The following DCLK2 variants were observed in gnomAD, a reference collection of about 807,000 sequenced individuals.
DCLK2 encodes doublecortin like kinase 2.
DCLK2 carries 31 observed loss-of-function variants against 78.4 expected under a neutral mutation model. That is an observed-to-expected ratio of 0.40 (90% CI 0.30 to 0.53). The LOEUF is 0.53. Ranked by LOEUF, DCLK2 falls within the 20% of genes least tolerant of loss-of-function variation. The pLI is 0.61. For synonymous variants in DCLK2, 407 were observed against 374.9 expected (o/e 1.09, Z -0.99); for missense variants, 872 against 973.7 (o/e 0.90, Z 1.39).
At chr4:150,226,893 G>A (rs114605061) in intron 8 of DCLK2, among the ~76,000 whole-genome samples, 1,634 of 152,142 alleles carry the variant, frequency 0.011, 13 homozygotes, top group Non-Finnish European at 0.017. Context: ...TTAATTTGAG[G>A]GGGTGGTATT....
chr4:150,136,283 A>G lies in DCLK2; in HGVS notation c.756+33471A>G, dbSNP rs953513751. On this transcript the variant is annotated intron_variant, in intron 2 of 15. Transcript: ENST00000296550. ...TTTAGAAGTACGGTCCCTCTGAATGATAAAGTCCAGGATGTGGCAGTGGGC... is the reference window on the plus strand; with the variant it reads ...TTTAGAAGTACGGTCCCTCTGAATGGTAAAGTCCAGGATGTGGCAGTGGGC... Among the ~76,000 whole-genome samples the G allele has an allele frequency of 4.6e-5, 7 of 152,240 alleles. No individual in the cohort carries two copies. In the East Asian group the frequency reaches 9.6e-4, roughly 21 times the overall value.
chr4:150,157,179 T>C (rs550192025), intron 2 of DCLK2, among the ~76,000 whole-genome samples: 8 of 151,638 alleles, frequency 5.3e-5, no homozygotes, highest in African/African-American at 1.7e-4. Context: ...TTTTTTTTTT[T>C]TTTGTTACTG....
At chr4:150,204,841 G>A (rs1342386104) in intron 5 of DCLK2, among the ~76,000 whole-genome samples, 8 of 151,626 alleles carry the variant, frequency 5.3e-5, no homozygotes, top group Admixed American at 1.3e-4. Context: ...GCAGTGAGCC[G>A]AGATCGCGCC....
intron 2 of DCLK2, among the ~76,000 whole-genome samples, chr4:150,151,442 A>G (rs1560815007): frequency 6.6e-6 from 1 of 152,254 alleles, no homozygotes; most frequent in Non-Finnish European, 1.5e-5. Context: ...GGCTAAGGCT[A>G]GTCTTTCCTG....
chr4:150,150,501 G>A (rs1040547986), intron 2 of DCLK2, among the ~76,000 whole-genome samples: 1 of 151,854 alleles, frequency 6.6e-6, no homozygotes, highest in Non-Finnish European at 1.5e-5. Context: ...TATAAAATAA[G>A]GAGAAAAATA....
chr4:150,203,712 G>T, intron 4 of DCLK2, 83 bp from the exon 5 acceptor site: 4 of 1,081,774 alleles, frequency 3.7e-6, no homozygotes, highest in Middle Eastern at 2.1e-4. Flanking sequence ...GACCTATATT[G>T]TGCATGCACC....
intron 4 of DCLK2, chr4:150,199,141 T>G: frequency 7.0e-7 from 1 of 1,434,524 alleles, no homozygotes; most frequent in East Asian, 2.4e-5. Flanking sequence ...TTTTGCCACT[T>G]TTCTGTTTCC....
chr4:150,103,180 T>TG (rs1731006534), intron 2 of DCLK2, among the ~76,000 whole-genome samples: 1 of 152,186 alleles, frequency 6.6e-6, no homozygotes, highest in South Asian at 2.1e-4. Flanking sequence ...ATTATGGACT[T>TG]GGGTATCACA....
chr4:150,107,047 G>A (rs13130447), intron 2 of DCLK2, among the ~76,000 whole-genome samples: 68,123 of 151,916 alleles, frequency 0.45, 15,780 homozygotes, highest in Non-Finnish European at 0.52. Context: ...TGTTGAAGCT[G>A]GGGTTGGGGA....
intron 5 of DCLK2, among the ~76,000 whole-genome samples, chr4:150,216,792 T>G (rs944384989): frequency 1.3e-5 from 2 of 152,256 alleles, no homozygotes; most frequent in East Asian, 3.9e-4. Flanking sequence ...ACGGTTCTCT[T>G]CTGTCACCTT....
At chr4:150,079,977 G>A (rs1197968104) in intron 1 of DCLK2, among the ~76,000 whole-genome samples, 2 of 152,150 alleles carry the variant, frequency 1.3e-5, no homozygotes, top group African/African-American at 2.4e-5. Context: ...CTAGACAGCA[G>A]GTCTCAACCT....
At chr4:150,149,459 A>T (rs4240358) in intron 2 of DCLK2, among the ~76,000 whole-genome samples, 1 of 151,988 alleles carries the variant, frequency 6.6e-6, no homozygotes, top group African/African-American at 2.4e-5. Flanking sequence ...AGTCCTGGGC[A>T]TCCAGTGTCC....
intron 8 of DCLK2, 59 bp downstream of exon 8, chr4:150,224,617 A>G (rs1021587669): frequency 1.4e-6 from 2 of 1,457,700 alleles, no homozygotes; most frequent in African/African-American, 2.8e-5. Context: ...TGAGGTGTTT[A>G]CTGTGATGAA....
At position 150,115,124 on chromosome 4, in the gene DCLK2, G is replaced by A. The variant is rs190336554; in HGVS notation, c.756+12312G>A. 5.9e-5 allele frequency among the ~76,000 whole-genome samples: 9 copies of A among 152,126 alleles called. No homozygotes were observed. In the East Asian group the frequency reaches 1.7e-3, roughly 29 times the overall value. ...CTTGTTGGATTCATTTGAAAGCCTT[G>A]TTTTTGAATTCTGAAATTATTCTAC... On this transcript the variant is annotated intron_variant, in intron 2 of 15. Transcript: ENST00000296550.
intron 2 of DCLK2, among the ~76,000 whole-genome samples, chr4:150,172,243 A>C (rs1480637130): frequency 1.3e-5 from 2 of 152,088 alleles, no homozygotes; most frequent in East Asian, 1.9e-4. Flanking sequence ...ATCCTTTTTA[A>C]ATTTTCTTTG....
At chr4:150,149,820 G>A (rs1447778932) in intron 2 of DCLK2, among the ~76,000 whole-genome samples, 1 of 152,222 alleles carries the variant, frequency 6.6e-6, no homozygotes, top group African/African-American at 2.4e-5. Flanking sequence ...CTGTAAGGTT[G>A]ATTGGGGATG....
At chr4:150,185,713 C>CA (rs10706869) in intron 2 of DCLK2, among the ~76,000 whole-genome samples, 12 of 141,356 alleles carry the variant, frequency 8.5e-5, no homozygotes, top group South Asian at 6.9e-4. Context: ...GATTTCATCT[C>CA]AAAAAAAAAA....
At chr4:150,131,467 T>C (rs1483895135) in intron 2 of DCLK2, among the ~76,000 whole-genome samples, 6 of 152,178 alleles carry the variant, frequency 3.9e-5, no homozygotes. Context: ...CAAATCTTAC[T>C]TTGCTGTTAG....
At chr4:150,188,904 CAAAA>C (rs59096633) in intron 2 of DCLK2, among the ~76,000 whole-genome samples, 3 of 94,120 alleles carry the variant, frequency 3.2e-5, no homozygotes, top group Non-Finnish European at 4.3e-5. Flanking sequence ...GACTCTGTCT[CAAAA>C]AAAAAAAAAA....
Sources: gnomAD v4.1 joint callset for allele counts (sites outside exome capture counted in the v4.1 genomes callset) on GRCh38, gnomAD v4.1.1 for gene constraint, MANE v1.5 for transcripts, NCBI Gene and HGNC (gene_info 2026-07-23, HGNC 2026-07-21) for gene names.